The following KDM4C variants were observed in gnomAD, a reference collection of about 807,000 sequenced individuals.
KDM4C encodes lysine demethylase 4C.
KDM4C carries 81 observed loss-of-function variants against 129.3 expected under a neutral mutation model. The observed-to-expected ratio is 0.63, with a 90% confidence interval of 0.52 to 0.75. KDM4C has a LOEUF of 0.75. Ranked by LOEUF, KDM4C falls within the 30% of genes least tolerant of loss-of-function variation. The pLI, the probability that KDM4C is intolerant of heterozygous loss-of-function variation, is 0.00. For synonymous variants in KDM4C, 573 were observed against 456.1 expected, an observed-to-expected ratio of 1.26 and a Z score of -3.26; for missense variants, 1,457 against 1,304.0, an observed-to-expected ratio of 1.12 and a Z score of -1.81.
At chr9:6,927,784 A>T (rs1822909537) in intron 8 of KDM4C, among the ~76,000 whole-genome samples, 1 of 152,216 alleles carries the variant, frequency 6.6e-6, no homozygotes, top group Admixed American at 6.5e-5. Flanking sequence ...TTAGACTTTT[A>T]GCATTGTGTC....
At chr9:6,851,651 G>T (rs62535665) in intron 5 of KDM4C, among the ~76,000 whole-genome samples, 11,108 of 152,206 alleles carry the variant, frequency 0.073, 584 homozygotes, top group Non-Finnish European at 0.11. Context: ...AAATGAGGAT[G>T]CCTGGGACGT....
intron 8 of KDM4C, among the ~76,000 whole-genome samples, chr9:6,975,803 C>T (rs193191799): frequency 1.5e-4 from 23 of 152,234 alleles, no homozygotes; most frequent in African/African-American, 3.1e-4. Context: ...CCGCTTTGGG[C>T]GAGGTGGGTG....
intron 8 of KDM4C, among the ~76,000 whole-genome samples, chr9:6,898,425 A>C (rs998294784): frequency 1.3e-5 from 2 of 152,164 alleles, no homozygotes; most frequent in Non-Finnish European, 2.9e-5. Context: ...ATATTATCTT[A>C]TTGGAAGGAA....
intron 1 of KDM4C, among the ~76,000 whole-genome samples, chr9:6,783,495 T>C (rs1824814933): frequency 6.6e-6 from 1 of 152,112 alleles, no homozygotes; most frequent in South Asian, 2.1e-4. Flanking sequence ...CCGAGGTGTA[T>C]TGGGAAGGAC....
intron 12 of KDM4C, among the ~76,000 whole-genome samples, chr9:6,997,845 A>G (rs1399357693): frequency 6.6e-6 from 1 of 152,232 alleles, no homozygotes; most frequent in East Asian, 1.9e-4. Context: ...TTTTCCAAAG[A>G]GCTGATTGCC....
intron 5 of KDM4C, among the ~76,000 whole-genome samples, chr9:6,879,652 C>T (rs961722600): frequency 6.6e-6 from 1 of 152,112 alleles, no homozygotes; most frequent in Non-Finnish European, 1.5e-5. Context: ...AAACATACAA[C>T]CAAAACAACC....
At chr9:6,888,159 A>G in intron 7 of KDM4C, 96 bp downstream of exon 7, 1 of 565,270 alleles carries the variant, frequency 1.8e-6, no homozygotes, top group Non-Finnish European at 3.1e-6. Flanking sequence ...AATTTTTAGG[A>G]TGTGGGTAGA....
chr9:6,841,202 A>G (rs1200489903), intron 4 of KDM4C, among the ~76,000 whole-genome samples: 3 of 152,260 alleles, frequency 2.0e-5, no homozygotes, highest in African/African-American at 4.8e-5. Context: ...TTGAATTTCA[A>G]AAATTTTTAT....
chr9:6,738,436 C>T (rs973148187), intron 1 of KDM4C, among the ~76,000 whole-genome samples: 1 of 152,158 alleles, frequency 6.6e-6, no homozygotes, highest in African/African-American at 2.4e-5. Flanking sequence ...AACCATGCCA[C>T]TGTACTCCAG....
chr9:6,763,066 G>T (rs545261027), intron 1 of KDM4C, among the ~76,000 whole-genome samples: 15 of 152,132 alleles, frequency 9.9e-5, no homozygotes, highest in Admixed American at 5.2e-4. Flanking sequence ...GAGGGGGCGT[G>T]GTTACGATCT....
intron 19 of KDM4C, among the ~76,000 whole-genome samples, chr9:7,153,459 G>C (rs1050843396): frequency 6.6e-6 from 1 of 152,138 alleles, no homozygotes; most frequent in Non-Finnish European, 1.5e-5. Context: ...CTTACACTGG[G>C]GGGTATTGAA....
At chr9:7,105,456 T>G (rs567049469) in intron 18 of KDM4C, 35 of 470,784 alleles carry the variant, frequency 7.4e-5, no homozygotes, top group South Asian at 4.8e-4. Flanking sequence ...TACTACTACT[T>G]CTGCTGCTGC....
rs761634965 is a variant in KDM4C, at chr9:6,990,471, C to T, written c.1733C>T (p.Pro578Leu). 14 of 1,613,370 alleles carry T rather than the reference C, an allele frequency of 8.7e-6. No homozygotes were observed. Among genetic ancestry groups the T allele is most frequent in the Non-Finnish European group, 1.2e-5 (14 of 1,179,856 alleles). The change falls in exon 12 of 22, where the codon CCT becomes CTT. Residue 578 changes from proline to leucine, a missense_variant. Physicochemically the swap from Pro to Leu is moderately conservative, Grantham distance 98. Transcript: ENST00000381309. ...SKSWRHPLSRPPARSPMTLVK... is the reference protein window; with the variant it reads ...SKSWRHPLSRLPARSPMTLVK... The stretch of plus-strand genomic sequence containing the variant: ...AGTTGGCGCCATCCACTTAGCAGGC[C>T]TCCAGCAAGATCTCCGATGACTCTT...
chr9:6,721,431 G>T (rs1816952098), intron 1 of KDM4C, among the ~76,000 whole-genome samples: 1 of 151,510 alleles, frequency 6.6e-6, no homozygotes, highest in Non-Finnish European at 1.5e-5. Flanking sequence ...CCACAGGCAT[G>T]TGCCACGACA....
upstream of KDM4C, among the ~76,000 whole-genome samples, chr9:6,755,358 G>C (rs976477306): frequency 5.4e-5 from 8 of 148,366 alleles, no homozygotes; most frequent in African/African-American, 7.5e-5. Context: ...GCAACAGAGT[G>C]AGACTCTGTC....
chr9:6,873,413 A>G (rs1262544512), intron 5 of KDM4C, among the ~76,000 whole-genome samples: 1 of 152,176 alleles, frequency 6.6e-6, no homozygotes, highest in Non-Finnish European at 1.5e-5. Flanking sequence ...TCTGTTGTTT[A>G]ATGTAGCCAC....
intron 8 of KDM4C, among the ~76,000 whole-genome samples, chr9:6,914,259 G>A (rs1024226353): frequency 2.0e-5 from 3 of 152,000 alleles, no homozygotes; most frequent in Admixed American, 6.6e-5. Flanking sequence ...GGGTTTCTCC[G>A]TGTTGGTCAG....
chr9:6,932,440 A>C (rs1254231738), intron 8 of KDM4C, among the ~76,000 whole-genome samples: 1 of 152,198 alleles, frequency 6.6e-6, no homozygotes, highest in Non-Finnish European at 1.5e-5. Flanking sequence ...GGCCCTTGAG[A>C]AAACTTTTGT....
chr9:7,028,900 C>T (rs985978662), intron 15 of KDM4C, among the ~76,000 whole-genome samples: 6 of 151,218 alleles, frequency 4.0e-5, no homozygotes, highest in East Asian at 3.9e-4. Context: ...GCCATGTGAC[C>T]GTTGCCAGGG....
Sources: allele counts gnomAD v4.1 joint callset (sites outside exome capture counted in the v4.1 genomes callset), GRCh38; gene constraint gnomAD v4.1.1; transcripts MANE v1.5; gene names NCBI Gene and HGNC (gene_info 2026-07-23, HGNC 2026-07-21).